The following NPAS3 variants were observed in gnomAD, a reference collection of about 807,000 sequenced individuals.
NPAS3 encodes neuronal PAS domain protein 3, also known as neuronal PAS domain-containing protein 3.
NPAS3 carries 14 observed loss-of-function variants against 73.1 expected under a neutral mutation model. The observed-to-expected ratio is 0.19, with a 90% confidence interval of 0.13 to 0.30. NPAS3 has a LOEUF of 0.30. NPAS3 is among the 10% of genes least tolerant of loss of function. The pLI is 1.00. For missense variants in NPAS3, 1,096 were observed against 1,250.0 expected, an observed-to-expected ratio of 0.88 and a Z score of 1.86; for synonymous variants, 620 against 541.5, an observed-to-expected ratio of 1.14 and a Z score of -2.01.
chr14:33,185,186 C>T (rs1188931067), intron 2 of NPAS3, among the ~76,000 whole-genome samples: 1 of 152,152 alleles, frequency 6.6e-6, no homozygotes, highest in Non-Finnish European at 1.5e-5. Context: ...GAACCAGAAA[C>T]AAAAGTACAT....
At chr14:33,242,268 A>G (rs896997652) in intron 3 of NPAS3, among the ~76,000 whole-genome samples, 2 of 152,086 alleles carry the variant, frequency 1.3e-5, no homozygotes, top group Non-Finnish European at 1.5e-5. Flanking sequence ...CTCAAATTCA[A>G]GATGAATTAG....
intron 9 of NPAS3, among the ~76,000 whole-genome samples, chr14:33,787,063 G>T (rs2063198355): frequency 6.6e-6 from 1 of 151,954 alleles, no homozygotes; most frequent in African/African-American, 2.4e-5. Flanking sequence ...CAAAAGAGAA[G>T]GTATAGGTCC....
chr14:33,662,387 C>T (rs1174365471), intron 5 of NPAS3, among the ~76,000 whole-genome samples: 1 of 152,194 alleles, frequency 6.6e-6, no homozygotes, highest in Non-Finnish European at 1.5e-5. Context: ...AAGACAACAA[C>T]CCTACTGAGT....
intron 3 of NPAS3, among the ~76,000 whole-genome samples, chr14:33,348,731 G>C (rs966297596): frequency 2.0e-5 from 3 of 147,886 alleles, no homozygotes; most frequent in Admixed American, 1.4e-4. Context: ...AAGGCCTGGA[G>C]CTCCCGTTCA....
chr14:33,387,262 G>A (rs909067375), intron 4 of NPAS3, among the ~76,000 whole-genome samples: 38 of 152,126 alleles, frequency 2.5e-4, no homozygotes, highest in Admixed American at 2.4e-3. Context: ...GGGAATGGCT[G>A]GCCACACTTC....
chr14:33,198,145 T>C (rs1409949929), intron 2 of NPAS3, among the ~76,000 whole-genome samples: 1 of 152,182 alleles, frequency 6.6e-6, no homozygotes, highest in East Asian at 1.9e-4. Context: ...CTGCAGACCT[T>C]CGCAGTGTTA....
At chr14:33,475,021 G>A (rs2050955069) in intron 4 of NPAS3, among the ~76,000 whole-genome samples, 1 of 152,050 alleles carries the variant, frequency 6.6e-6, no homozygotes, top group South Asian at 2.1e-4. Context: ...GGTTAGCTGG[G>A]AAATGAACAC....
chr14:33,565,385 T>A (rs1051911175), intron 5 of NPAS3, among the ~76,000 whole-genome samples: 1 of 152,218 alleles, frequency 6.6e-6, no homozygotes, highest in Non-Finnish European at 1.5e-5. Context: ...GTGCCAAATG[T>A]GGTTTATTTG....
Position 33,494,380 on chromosome 14 carries a change from G to A in NPAS3, c.469-65741G>A, listed in dbSNP as rs1293708542. 3.3e-5 allele frequency among the ~76,000 whole-genome samples: 5 copies of A among 152,284 alleles called. No individual in the cohort carries two copies. In the East Asian group the frequency reaches 9.7e-4, roughly 29 times the overall value. On this transcript the variant is annotated intron_variant, in intron 4 of 11. Coordinates refer to ENST00000356141, the Ensembl canonical transcript of NPAS3. Reference sequence around the variant, plus strand: ...TTTTTAATGTGCATGCAGTGTCGCTGTGTGAAACCAAAGGAGAAGGCTACG... The same window carrying A: ...TTTTTAATGTGCATGCAGTGTCGCTATGTGAAACCAAAGGAGAAGGCTACG...
chr14:33,151,445 C>T lies in NPAS3; in HGVS notation c.141-63737C>T, dbSNP rs563869243. 3.9e-5 allele frequency among the ~76,000 whole-genome samples: 6 copies of T among 152,338 alleles called. No individual in the cohort carries two copies. In the East Asian group the frequency reaches 7.7e-4, roughly 20 times the overall value. ...ACTTGGTTCCCTGTTTTGGAATCAA[C>T]GACTTCCGTCAGTTTGTATAAAAGA... On this transcript the variant is annotated intron_variant, in intron 2 of 11. Coordinates refer to ENST00000356141, the Ensembl canonical transcript of NPAS3.
chr14:33,527,643 G>A (rs184061174), intron 4 of NPAS3, among the ~76,000 whole-genome samples: 25 of 152,272 alleles, frequency 1.6e-4, no homozygotes, highest in Admixed American at 1.4e-3. Context: ...TGAAAATCAG[G>A]ATTTATATAT....
intron 5 of NPAS3, among the ~76,000 whole-genome samples, chr14:33,663,941 T>A (rs1271442702): frequency 6.6e-6 from 1 of 151,976 alleles, no homozygotes; most frequent in Non-Finnish European, 1.5e-5. Flanking sequence ...TTCCTCTTTA[T>A]CAGTCTGGCT....
intron 3 of NPAS3, among the ~76,000 whole-genome samples, chr14:33,277,035 G>A (rs1472851672): frequency 6.6e-6 from 1 of 152,072 alleles, no homozygotes; most frequent in Non-Finnish European, 1.5e-5. Flanking sequence ...CACATGTAAT[G>A]CCATGATAAA....
At chr14:33,135,870 T>C (rs1338692857) in intron 2 of NPAS3, among the ~76,000 whole-genome samples, 2 of 152,116 alleles carry the variant, frequency 1.3e-5, no homozygotes, top group African/African-American at 4.8e-5. Context: ...TCTCCTTAGA[T>C]TCTGAACAGA....
chr14:32,973,028 T>A (rs919161297), intron 1 of NPAS3, among the ~76,000 whole-genome samples: 2 of 152,222 alleles, frequency 1.3e-5, no homozygotes, highest in African/African-American at 4.8e-5. Flanking sequence ...TTCTTTCTTA[T>A]ATCTGAGGTA....
intron 1 of NPAS3, among the ~76,000 whole-genome samples, chr14:32,973,161 A>G (rs2037507904): frequency 6.6e-6 from 1 of 152,210 alleles, no homozygotes; most frequent in Non-Finnish European, 1.5e-5. Context: ...CTTAGTATCT[A>G]AGAAAGAGAA....
chr14:33,608,363 A>G (rs1343584597), intron 5 of NPAS3: 1 of 152,214 alleles, frequency 6.6e-6, no homozygotes, highest in Non-Finnish European at 1.5e-5. Flanking sequence ...AAGTATTGAA[A>G]AAGTGAGTTA....
intron 4 of NPAS3, among the ~76,000 whole-genome samples, chr14:33,450,466 T>A (rs534488381): frequency 1.3e-5 from 2 of 152,334 alleles, no homozygotes; most frequent in East Asian, 3.8e-4. Context: ...CAAACTATTT[T>A]TTTAATTCCT....
chr14:33,224,808 C>T (rs1288417756), intron 3 of NPAS3, among the ~76,000 whole-genome samples: 2 of 151,916 alleles, frequency 1.3e-5, no homozygotes, highest in African/African-American at 4.8e-5. Flanking sequence ...TATGAAATCA[C>T]AACATGATTC....
Sources: allele counts gnomAD v4.1 joint callset (sites outside exome capture counted in the v4.1 genomes callset), GRCh38; gene constraint gnomAD v4.1.1; transcripts MANE v1.5; gene names NCBI Gene and HGNC (gene_info 2026-07-23, HGNC 2026-07-21).